MBD5: variants seen among roughly 807,000 people sequenced by gnomAD.
MBD5 encodes methyl-CpG-binding domain protein 5.
In MBD5, 13 loss-of-function variants were observed where a neutral mutation model predicts 117.3. The ratio of observed to expected loss-of-function variants is 0.11; its 90% CI spans 0.07 to 0.18. The LOEUF is 0.18. Among genes scored for constraint, MBD5 ranks in the 10% least tolerant of loss-of-function variants. MBD5 has a pLI of 1.00. For synonymous variants in MBD5, 727 were observed against 766.4 expected (o/e 0.95, Z 0.85); for missense variants, 1,879 against 2,093.8 (o/e 0.90, Z 2.00).
intron 4 of MBD5, among the ~76,000 whole-genome samples, chr2:148,446,813 T>C (rs80125412): frequency 0.043 from 6,588 of 152,086 alleles, 190 homozygotes; most frequent in Non-Finnish European, 0.063. Context: ...ACACAGAATA[T>C]GGTAATATCT....
At chr2:148,205,427 A>G (rs1423209702) in intron 2 of MBD5, among the ~76,000 whole-genome samples, 5 of 152,188 alleles carry the variant, frequency 3.3e-5, no homozygotes, top group African/African-American at 1.2e-4. Context: ...ATTAAAGCTG[A>G]CAAAAAATAA....
At chr2:148,335,877 A>G (rs1383160892) in intron 3 of MBD5, among the ~76,000 whole-genome samples, 1 of 152,200 alleles carries the variant, frequency 6.6e-6, no homozygotes, top group Non-Finnish European at 1.5e-5. Context: ...TTATGGATGA[A>G]GACTCAAAGA....
Position 148,489,614 on chromosome 2 carries a change from G to T in MBD5, c.3982G>T (p.Ala1328Ser), listed in dbSNP as rs1465156969. 1 of 1,614,164 alleles carries T rather than the reference G, an allele frequency of 6.2e-7. No individual in the cohort carries two copies. Among genetic ancestry groups the T allele is most frequent in the South Asian group, 1.1e-5 (1 of 91,086 alleles). Residue 1328 changes from alanine to serine, a missense_variant, in exon 11 of 14, where the codon GCA becomes TCA. Around this residue, in one of 4 missense-constraint regions of MBD5, gnomAD observed 1,666 missense variants for 1,792.2 expected, o/e 0.93. Transcript: ENST00000642680. ...TGCCATTTACAAAGCAGTTGTCGATGCAGCCAGCAAAGGAATGCAGGTTGT... is the reference window on the plus strand; with the variant it reads ...TGCCATTTACAAAGCAGTTGTCGATTCAGCCAGCAAAGGAATGCAGGTTGT... ...VDAIYKAVVD[A>S]ASKGMQVVIT...
chr2:148,220,976 A>T (rs554511347), intron 2 of MBD5, among the ~76,000 whole-genome samples: 52 of 152,092 alleles, frequency 3.4e-4, no homozygotes, highest in African/African-American at 1.3e-3. Context: ...TCTCTCCTCT[A>T]TCTCCATGAG....
chr2:148,426,787 C>T (rs1329313265), intron 4 of MBD5, among the ~76,000 whole-genome samples: 1 of 152,130 alleles, frequency 6.6e-6, no homozygotes. Context: ...CAACAAAAGC[C>T]AGAATTGACA....
intron 6 of MBD5, 38 bp from the exon 7 acceptor site, chr2:148,463,701 T>C (rs1212540130): frequency 1.0e-5 from 16 of 1,606,634 alleles, no homozygotes; most frequent in African/African-American, 2.7e-5. Flanking sequence ...TAAATGTTTT[T>C]ACAGACATAT....
intron 4 of MBD5, among the ~76,000 whole-genome samples, chr2:148,377,003 T>G (rs1392189724): frequency 1.4e-5 from 2 of 144,838 alleles, no homozygotes; most frequent in Non-Finnish European, 3.0e-5. Context: ...AGAGAGAGGA[T>G]ATATATATAT....
intron 2 of MBD5, among the ~76,000 whole-genome samples, chr2:148,219,725 A>C (rs181864025): frequency 2.0e-5 from 3 of 152,332 alleles, no homozygotes; most frequent in Non-Finnish European, 4.4e-5. Flanking sequence ...ACTTTTTCCT[A>C]TCCTAAGCAA....
At chr2:148,369,038 G>C (rs1339924190) in intron 4 of MBD5, among the ~76,000 whole-genome samples, 1 of 152,000 alleles carries the variant, frequency 6.6e-6, no homozygotes, top group Non-Finnish European at 1.5e-5. Context: ...CATGGAGAAG[G>C]ACACAGCATC....
intron 2 of MBD5, among the ~76,000 whole-genome samples, chr2:148,181,602 A>G (rs1019480341): frequency 9.9e-5 from 15 of 152,148 alleles, no homozygotes; most frequent in Non-Finnish European, 1.5e-5. Context: ...ATTGAGTTTG[A>G]GTATCTCATC....
At chr2:148,446,152 C>G (rs1706506270) in intron 4 of MBD5, among the ~76,000 whole-genome samples, 1 of 151,352 alleles carries the variant, frequency 6.6e-6, no homozygotes. Flanking sequence ...TCCCATTTGT[C>G]TATTTTGGCT....
intron 4 of MBD5, among the ~76,000 whole-genome samples, chr2:148,402,267 A>G (rs548833824): frequency 6.6e-6 from 1 of 152,244 alleles, no homozygotes; most frequent in East Asian, 1.9e-4. Context: ...TATAATTATT[A>G]CTAGAGTGGT....
intron 3 of MBD5, among the ~76,000 whole-genome samples, chr2:148,295,039 T>A (rs1382296630): frequency 6.6e-6 from 1 of 152,230 alleles, no homozygotes; most frequent in Admixed American, 6.5e-5. Flanking sequence ...TCTGTCTTCA[T>A]CCTACTTGGA....
intron 1 of MBD5, among the ~76,000 whole-genome samples, chr2:148,173,342 A>G (rs1263527081): frequency 1.3e-5 from 2 of 152,182 alleles, no homozygotes; most frequent in Non-Finnish European, 2.9e-5. Flanking sequence ...CCTTGCACGT[A>G]GCTGGTGCCT....
At chr2:148,316,095 A>G (rs1040347295) in intron 3 of MBD5, among the ~76,000 whole-genome samples, 1 of 152,182 alleles carries the variant, frequency 6.6e-6, no homozygotes, top group African/African-American at 2.4e-5. Context: ...TTAAACAACC[A>G]GATCTCATGA....
At chr2:148,375,454 C>G (rs969541321) in intron 4 of MBD5, among the ~76,000 whole-genome samples, 1 of 152,218 alleles carries the variant, frequency 6.6e-6, no homozygotes, top group Non-Finnish European at 1.5e-5. Context: ...GAACACCACT[C>G]TCATCCCCAA....
chr2:148,171,719 C>T (rs75950580), intron 1 of MBD5, among the ~76,000 whole-genome samples: 1,995 of 152,116 alleles, frequency 0.013, 29 homozygotes, highest in African/African-American at 0.046. Context: ...TATAAAAAAC[C>T]CTACAGATTC....
chr2:148,327,714 C>T (rs9750422), intron 3 of MBD5, among the ~76,000 whole-genome samples: 40,852 of 150,774 alleles, frequency 0.27, 5,775 homozygotes, highest in African/African-American at 0.31. Context: ...AGCACTTCTC[C>T]GTATTGGTTA....
Position 148,125,640 on chromosome 2 carries a change from A to G in MBD5, c.-924-53060A>G, listed in dbSNP as rs1696871615. On this transcript the variant is annotated intron_variant, in intron 1 of 13. Coordinates refer to ENST00000642680, the MANE Select transcript of MBD5 (RefSeq NM_001378120.1). ...TTGGTGTCATCTTGGAAGTCTATCT[A>G]CAACCTCTCTGGTTTCTCCAGCACA... Among the ~76,000 whole-genome samples, 3 of 152,298 alleles carry G rather than the reference A, an allele frequency of 2.0e-5. No homozygotes were observed. The South Asian group carries it at 6.2e-4, about 32-fold the overall frequency.
Sources: gnomAD v4.1 joint callset for allele counts (sites outside exome capture counted in the v4.1 genomes callset) on GRCh38, gnomAD v4.1.1 for gene constraint, gnomAD v4.1.1 regional missense constraint, MANE v1.5 for transcripts, NCBI Gene and HGNC (gene_info 2026-07-23, HGNC 2026-07-21) for gene names.